STK32B: variants seen among roughly 807,000 people sequenced by gnomAD.
STK32B encodes serine/threonine-protein kinase 32B.
STK32B carries 43 observed loss-of-function variants against 52.6 expected under a neutral mutation model. The observed-to-expected ratio is 0.82, with a 90% CI of 0.64 to 1.05. STK32B has a LOEUF of 1.05. Ranked by LOEUF, STK32B falls within the 50% of genes least tolerant of loss-of-function variation. The pLI, the probability that STK32B is intolerant of heterozygous loss-of-function variation, is 0.00. For synonymous variants in STK32B, 238 were observed against 204.3 expected, an observed-to-expected ratio of 1.17 and a Z score of -1.41; for missense variants, 621 against 534.6, an observed-to-expected ratio of 1.16 and a Z score of -1.59.
At chr4:5,061,658 A>G (rs1293382283) in intron 1 of STK32B, among the ~76,000 whole-genome samples, 1 of 152,166 alleles carries the variant, frequency 6.6e-6, no homozygotes, top group Admixed American at 6.5e-5. Flanking sequence ...ATCATGCTTC[A>G]TCTTAAATCC....
intron 3 of STK32B, among the ~76,000 whole-genome samples, chr4:5,171,050 A>G (rs961990615): frequency 2.6e-5 from 4 of 152,196 alleles, no homozygotes; most frequent in Non-Finnish European, 5.9e-5. Flanking sequence ...TATTTCTCTG[A>G]TGACCAGTGA....
intron 3 of STK32B, among the ~76,000 whole-genome samples, chr4:5,243,270 G>C (rs1448676147): frequency 1.3e-5 from 2 of 152,222 alleles, no homozygotes; most frequent in South Asian, 4.2e-4. Context: ...GTGGTTTGTA[G>C]TTCTCCTTGA....
At chr4:5,292,355 A>C (rs912663336) in intron 3 of STK32B, among the ~76,000 whole-genome samples, 1 of 152,090 alleles carries the variant, frequency 6.6e-6, no homozygotes, top group African/African-American at 2.4e-5. Flanking sequence ...GTGAAATGGT[A>C]TCTCATTGTG....
intron 3 of STK32B, among the ~76,000 whole-genome samples, chr4:5,208,922 CT>C (rs1333756220): frequency 2.0e-5 from 3 of 152,216 alleles, no homozygotes; most frequent in African/African-American, 7.2e-5. Context: ...CTTTATAAAC[CT>C]TTTCCCTGCT....
chr4:5,443,862 G>A lies in STK32B; in HGVS notation c.563-2811G>A, dbSNP rs1280160019. Among the ~76,000 whole-genome samples the A allele has an allele frequency of 2.6e-5, 4 of 152,188 alleles. No homozygotes were observed. In the South Asian group the frequency reaches 8.3e-4, roughly 32 times the overall value. ...CAGGTCTGTTGGAATACCCTGCCAT[G>A]TGAGGTGTCAGTGTGCCCCTGCTGG... On this transcript the variant is annotated intron_variant, in intron 6 of 11. Coordinates refer to ENST00000282908, the MANE Select transcript of STK32B (RefSeq NM_018401.3).
At chr4:5,199,842 C>T (rs1008542961) in intron 3 of STK32B, among the ~76,000 whole-genome samples, 33 of 152,196 alleles carry the variant, frequency 2.2e-4, no homozygotes, top group South Asian at 1.2e-3. Context: ...CCACTCCCAC[C>T]TGAGGAATGC....
intron 1 of STK32B, among the ~76,000 whole-genome samples, chr4:5,083,811 A>G (rs28648484): frequency 0.04 from 5,970 of 151,014 alleles, 390 homozygotes; most frequent in African/African-American, 0.14. Flanking sequence ...ATCTCGGCTC[A>G]CTGCAACCTC....
chr4:5,040,630 A>G, the STK32B span, among the ~76,000 whole-genome samples: 1 of 151,968 alleles, frequency 6.6e-6, no homozygotes, highest in Admixed American at 6.6e-5. Context: ...TTGACCTCGT[A>G]ATCTGCCCTC....
chr4:5,236,840 G>T (rs1423933647), intron 3 of STK32B, among the ~76,000 whole-genome samples: 1 of 152,164 alleles, frequency 6.6e-6, no homozygotes, highest in Non-Finnish European at 1.5e-5. Context: ...GGCTAGGGAC[G>T]TTCTAGTATG....
chr4:5,398,174 C>A lies in STK32B; in HGVS notation c.435-33C>A. On this transcript the variant is annotated intron_variant, in intron 4 of 11. Coordinates refer to ENST00000282908, the MANE Select transcript of STK32B (RefSeq NM_018401.3). This position sits in a 1 kb window ranked among gnomAD's most constrained non-coding sequence, Gnocchi z 4.9. ...ATGTGCTCATCTGTGGGCTCAGGAACCACATTGCCAGCTTCTTTGTTTTCT... is the reference window on the plus strand; with the variant it reads ...ATGTGCTCATCTGTGGGCTCAGGAAACACATTGCCAGCTTCTTTGTTTTCT... The A allele has an allele frequency of 6.2e-7, 1 of 1,613,170 alleles. No individual in the cohort carries two copies. Among genetic ancestry groups the A allele is most frequent in the Non-Finnish European group, 8.5e-7 (1 of 1,179,630 alleles).
intron 4 of STK32B, among the ~76,000 whole-genome samples, chr4:5,360,940 C>T (rs956960771): frequency 6.6e-6 from 1 of 152,232 alleles, no homozygotes; most frequent in Admixed American, 6.5e-5. Flanking sequence ...CAGAACTCCT[C>T]ATTTTGCAAA....
intron 3 of STK32B, among the ~76,000 whole-genome samples, chr4:5,275,488 C>G (rs1314329723): frequency 1.3e-5 from 2 of 152,166 alleles, no homozygotes; most frequent in African/African-American, 4.8e-5. Context: ...GGAGAAGAAG[C>G]TCTCAGAGGA....
chr4:5,287,309 G>A (rs939567437), intron 3 of STK32B, among the ~76,000 whole-genome samples: 1 of 151,888 alleles, frequency 6.6e-6, no homozygotes, highest in Admixed American at 6.6e-5. Flanking sequence ...CATTTTCTTG[G>A]GTGTAAAGAG....
At chr4:5,257,106 A>G (rs1457170272) in intron 3 of STK32B, among the ~76,000 whole-genome samples, 1 of 152,220 alleles carries the variant, frequency 6.6e-6, no homozygotes, top group East Asian at 1.9e-4. Flanking sequence ...TGAGTGAGTG[A>G]ACAAGTGAAC....
At chr4:5,458,967 G>C (rs1215271108) in intron 8 of STK32B, 1 of 152,378 alleles carries the variant, frequency 6.6e-6, no homozygotes, top group Non-Finnish European at 1.5e-5. Flanking sequence ...ACCAATGCCT[G>C]CACCTCCCAG....
chr4:5,398,042 T>A lies in STK32B; in HGVS notation c.435-165T>A, dbSNP rs878866407. Among the ~76,000 whole-genome samples the A allele has an allele frequency of 5.9e-5, 9 of 152,234 alleles. No homozygotes were observed. In the East Asian group the frequency reaches 1.3e-3, roughly 23 times the overall value. On this transcript the variant is annotated intron_variant, in intron 4 of 11. Coordinates refer to ENST00000282908, the MANE Select transcript of STK32B (RefSeq NM_018401.3). The surrounding 1 kb of genome is among the most constrained non-coding windows in gnomAD (Gnocchi z 4.9). ...AGAAGAGGCGATAAGAACACAGGTG[T>A]CCCATTATCTTACCAATTATTCTCC...
chr4:5,044,088 T>A, the STK32B span, among the ~76,000 whole-genome samples: 1 of 152,154 alleles, frequency 6.6e-6, no homozygotes, highest in African/African-American at 2.4e-5. Context: ...ACAGCTATTC[T>A]CGGAGGCAGG....
chr4:5,206,903 A>G (rs1052352477), intron 3 of STK32B, among the ~76,000 whole-genome samples: 4 of 152,148 alleles, frequency 2.6e-5, no homozygotes, highest in Non-Finnish European at 4.4e-5. Flanking sequence ...CTTCTGTATC[A>G]TTCTTCCCAC....
intron 6 of STK32B, among the ~76,000 whole-genome samples, chr4:5,421,474 C>T (rs537059796): frequency 2.0e-5 from 3 of 152,296 alleles, no homozygotes; most frequent in Admixed American, 2.0e-4. Context: ...ATCCATCTGC[C>T]TCAGCCTCCC....
Sources: allele counts gnomAD v4.1 joint callset (sites outside exome capture counted in the v4.1 genomes callset), GRCh38; gene constraint gnomAD v4.1.1; non-coding constraint Gnocchi (gnomAD v3.1); transcripts MANE v1.5; gene names NCBI Gene and HGNC (gene_info 2026-07-23, HGNC 2026-07-21).